Variants in HSF5 observed in about 807,000 individuals in gnomAD.
HSF5 encodes heat shock transcription factor 5, also known as heat shock factor protein 5.
Under a neutral mutation model 50.8 loss-of-function variants are expected in HSF5, and 5 were observed. That is an observed-to-expected ratio of 0.10 (90% CI 0.05 to 0.21). The LOEUF is 0.21. HSF5 is among the 10% of genes least tolerant of loss of function. The pLI, the probability that HSF5 is intolerant of heterozygous loss-of-function variation, is 1.00. For missense variants in HSF5, 564 were observed against 762.6 expected, an observed-to-expected ratio of 0.74 and a Z score of 3.07; for synonymous variants, 307 against 307.4, an observed-to-expected ratio of 1.00 and a Z score of 0.02.
At position 58,476,211 on chromosome 17, in the gene HSF5, A is replaced by G. The variant is rs1975010331; in HGVS notation, c.925+3682T>C. 4 of 906,602 alleles carry G rather than the reference A, an allele frequency of 4.4e-6. No homozygotes were observed. The East Asian group carries it at 1.1e-4, about 24-fold the overall frequency. The allele number at this position is 906,602 out of a possible 1,614,324, so 56.2% of individuals were successfully genotyped here. A position where few individuals can be genotyped will look rare whatever the true frequency, so the allele number is the denominator to read the frequency against. ...TCTTCATCTTCCTCATTTCCTTCTA[A>G]TCAATATCTTCTAATCCTTCCTTCT... On this transcript the variant is annotated intron_variant, in intron 2 of 5. Transcript: ENST00000323777.
At chr17:58,475,434 A>G (rs966026020) in intron 2 of HSF5, among the ~76,000 whole-genome samples, 3 of 152,244 alleles carry the variant, frequency 2.0e-5, no homozygotes, top group Non-Finnish European at 4.4e-5. Context: ...GAGAATGTCA[A>G]TTCCAAATAA....
At chr17:58,436,235 C>A (rs1797270252) in intron 5 of HSF5, among the ~76,000 whole-genome samples, 2 of 152,154 alleles carry the variant, frequency 1.3e-5, no homozygotes, top group Admixed American at 1.3e-4. Flanking sequence ...TGCCATGGGA[C>A]CTTACATATA....
At chr17:58,485,490 T>C (rs907701452) in intron 1 of HSF5, among the ~76,000 whole-genome samples, 2 of 149,626 alleles carry the variant, frequency 1.3e-5, no homozygotes, top group African/African-American at 4.9e-5. Context: ...CTCACGCCTG[T>C]AATCCCAGCA....
At chr17:58,482,423 T>A (rs1193349167) in intron 1 of HSF5, among the ~76,000 whole-genome samples, 1 of 151,914 alleles carries the variant, frequency 6.6e-6, no homozygotes, top group Admixed American at 6.6e-5. Flanking sequence ...AATGGTGAGA[T>A]CCTGGCCAGG....
intron 5 of HSF5, among the ~76,000 whole-genome samples, chr17:58,429,942 G>C (rs1460010030): frequency 6.6e-6 from 1 of 151,952 alleles, no homozygotes; most frequent in African/African-American, 2.4e-5. Flanking sequence ...ACAAAAAGAA[G>C]GGGAAAGCAG....
intron 5 of HSF5, among the ~76,000 whole-genome samples, chr17:58,422,727 C>T (rs1470961558): frequency 7.4e-6 from 1 of 134,696 alleles, no homozygotes; most frequent in Non-Finnish European, 1.5e-5. Context: ...CGGAGTTTTG[C>T]TCTTATCGTC....
At chr17:58,481,999 C>T (rs968335905) in intron 1 of HSF5, among the ~76,000 whole-genome samples, 5 of 151,858 alleles carry the variant, frequency 3.3e-5, no homozygotes, top group Admixed American at 2.0e-4. Context: ...GACCCTGTTT[C>T]GAAAAGAAAT....
At position 58,488,052 on chromosome 17, in the gene HSF5, T is replaced by A. The variant is rs1336477982; in HGVS notation, c.223A>T (p.Thr75Ser). The A allele has an allele frequency of 6.2e-7, 1 of 1,601,392 alleles. No homozygotes were observed. The highest frequency in any genetic ancestry group is 8.5e-7 in the Non-Finnish European group (1 of 1,176,646). ...AGAEPELFKT[T>S]SFTSFIRQLN... is the part of the protein sequence containing the mutation. ...TGGCGGATGAAGCTGGTGAAGCTGG[T>A]GGTTTTGAAGAGCTCGGGCTCGGCC... Residue 75 changes from threonine (T) to serine (S), a missense_variant, in exon 1 of 6, where the codon ACC becomes TCC. This residue lies in a region of HSF5 where 72 missense variants were observed against 110.9 expected (regional missense o/e 0.65). Transcript: ENST00000323777. This position sits in a 1 kb window ranked among gnomAD's most constrained non-coding sequence, Gnocchi z 4.1.
At chr17:58,432,926 T>G (rs1374348147) in intron 5 of HSF5, among the ~76,000 whole-genome samples, 2 of 152,178 alleles carry the variant, frequency 1.3e-5, no homozygotes, top group African/African-American at 4.8e-5. Flanking sequence ...GATTTGCTGA[T>G]GGACTGGACA....
chr17:58,456,162 TATATACACAC>T (rs1567911816), intron 5 of HSF5, among the ~76,000 whole-genome samples: 8 of 107,062 alleles, frequency 7.5e-5, no homozygotes, highest in African/African-American at 2.6e-4. Flanking sequence ...TGTGTGTGTG[TATATACACAC>T]ACACACACAC....
At chr17:58,478,475 CAA>C (rs1189444544) in intron 2 of HSF5, among the ~76,000 whole-genome samples, 6 of 57,942 alleles carry the variant, frequency 1.0e-4, no homozygotes, top group Admixed American at 2.1e-4. Flanking sequence ...GACTCCATCT[CAA>C]AAAAAAAAAA....
Position 58,462,814 on chromosome 17 carries a change from C to T in HSF5, c.1510G>A (p.Val504Met), listed in dbSNP as rs927682887. Residue 504 changes from valine (V) to methionine (M), a missense_variant, in exon 4 of 6, where the codon GTG becomes ATG. Physicochemically the swap from Val to Met is conservative, Grantham distance 21. Transcript: ENST00000323777. ...GTGCTGAATGGTGGCCCTTCCTGCA[C>T]AAATACTACTGAAGATGGAGATGGA... The part of the protein sequence containing the change: ...HNPSPSSVVF[V>M]QEGPPFSTHQ... The T allele has an allele frequency of 6.2e-7, 1 of 1,611,606 alleles. No individual in the cohort carries two copies. Among genetic ancestry groups the T allele is most frequent in the Admixed American group, 1.7e-5 (1 of 59,862 alleles).
chr17:58,478,112 C>G (rs1975042892), intron 2 of HSF5, among the ~76,000 whole-genome samples: 1 of 151,680 alleles, frequency 6.6e-6, no homozygotes. Flanking sequence ...AAATACATGC[C>G]ACTGCTGTTG....
At chr17:58,423,224 A>T (rs1256183396) in intron 5 of HSF5, among the ~76,000 whole-genome samples, 1 of 152,214 alleles carries the variant, frequency 6.6e-6, no homozygotes, top group Admixed American at 6.5e-5. Context: ...TGACTAACAC[A>T]GCTGAATTCT....
At chr17:58,480,762 G>GCTATCGATCTATCTAT (rs71365893) in intron 1 of HSF5, among the ~76,000 whole-genome samples, 23 of 146,486 alleles carry the variant, frequency 1.6e-4, no homozygotes, top group South Asian at 1.1e-3. Context: ...AACGCTCTTT[G>GCTATCGATCTATCTAT]CTATCTATCT....
intron 5 of HSF5, among the ~76,000 whole-genome samples, chr17:58,450,797 T>C (rs1377014605): frequency 6.8e-6 from 1 of 147,244 alleles, no homozygotes; most frequent in Non-Finnish European, 1.5e-5. Flanking sequence ...TAAAAAATAA[T>C]GATAAAGGAG....
intron 5 of HSF5, among the ~76,000 whole-genome samples, chr17:58,425,602 A>AT: frequency 6.8e-6 from 1 of 147,942 alleles, no homozygotes; most frequent in Admixed American, 6.7e-5. Flanking sequence ...AAAAAAAAAA[A>AT]CAGGTTAAAA....
intron 2 of HSF5, among the ~76,000 whole-genome samples, chr17:58,468,420 A>G (rs1413842224): frequency 1.3e-5 from 2 of 152,132 alleles, no homozygotes; most frequent in African/African-American, 4.8e-5. Context: ...ACATATATAT[A>G]TATCTCACAA....
At chr17:58,476,561 G>T in intron 2 of HSF5, 1 of 1,466,302 alleles carries the variant, frequency 6.8e-7, no homozygotes, top group Non-Finnish European at 9.5e-7. Flanking sequence ...TAAGGATTTT[G>T]ATCAAAATAA....
Sources: gnomAD v4.1 joint callset for allele counts (sites outside exome capture counted in the v4.1 genomes callset) on GRCh38, gnomAD v4.1.1 for gene constraint, gnomAD v4.1.1 regional missense constraint, Gnocchi (gnomAD v3.1) non-coding constraint, MANE v1.5 for transcripts, NCBI Gene and HGNC (gene_info 2026-07-23, HGNC 2026-07-21) for gene names.